PPP3R1: variants seen among roughly 807,000 people sequenced by gnomAD.
PPP3R1 encodes the protein calcineurin subunit B type 1.
PPP3R1 carries 5 observed loss-of-function variants against 22.6 expected under a neutral mutation model. The observed-to-expected ratio is 0.22, with a 90% CI of 0.12 to 0.46. The LOEUF (loss-of-function observed/expected upper bound fraction) is 0.46. Among genes scored for constraint, PPP3R1 ranks in the 20% least tolerant of loss-of-function variants. The pLI is 0.99. For synonymous variants in PPP3R1, 56 were observed against 65.2 expected (o/e 0.86, Z 0.68); for missense variants, 61 against 203.2 (o/e 0.30, Z 4.25).
chr2:68,232,141 A>ACACACACACACACC (rs1669920551), intron 1 of PPP3R1, among the ~76,000 whole-genome samples: 1 of 110,022 alleles, frequency 9.1e-6, no homozygotes, highest in Non-Finnish European at 1.9e-5. Flanking sequence ...ACACACACAT[A>ACACACACACACACC]TATATGTATA....
rs567775580 is a variant in PPP3R1 at position 68,230,170 on chromosome 2, T to G, written c.4-13039A>C. Among the ~76,000 whole-genome samples, 6 of 152,196 alleles carry G rather than the reference T, an allele frequency of 3.9e-5. No individual in the cohort carries two copies. In the South Asian group the frequency reaches 1.2e-3, roughly 32 times the overall value. Reference sequence around the variant, plus strand: ...ACCGTGCCCAGCTAATTTTTTGTATTTTTGGTTGAGACAGGTTTCACCATG... The same window carrying G: ...ACCGTGCCCAGCTAATTTTTTGTATGTTTGGTTGAGACAGGTTTCACCATG... On this transcript the variant is annotated intron_variant, in intron 1 of 5. Transcript: ENST00000234310.
chr2:68,183,633 C>A (rs1674468557), intron 5 of PPP3R1, among the ~76,000 whole-genome samples: 1 of 152,106 alleles, frequency 6.6e-6, no homozygotes, highest in African/African-American at 2.4e-5. Flanking sequence ...TATATATTAT[C>A]CAACTTTTGT....
At chr2:68,212,254 T>C (rs1669501444) in intron 2 of PPP3R1, among the ~76,000 whole-genome samples, 1 of 152,182 alleles carries the variant, frequency 6.6e-6, no homozygotes, top group Non-Finnish European at 1.5e-5. Context: ...CTAATTTTCA[T>C]ATTTTTGGTA....
At chr2:68,230,700 C>G (rs1669880279) in intron 1 of PPP3R1, among the ~76,000 whole-genome samples, 1 of 152,170 alleles carries the variant, frequency 6.6e-6, no homozygotes, top group Non-Finnish European at 1.5e-5. Context: ...TAGGGTAAGT[C>G]TGCTGGTGAC....
At position 68,252,436 on chromosome 2, in the gene PPP3R1, G is replaced by A; in HGVS notation, c.-309C>T. ...AGAAAGGAGGGGGAGAGGGGGCGAA[G>A]ACGGCCGGGAAACTCGGGGGCTGCA... On this transcript the variant is annotated 5_prime_UTR_variant, in exon 1 of 6. Transcript: ENST00000234310. 2 of 992,820 alleles carry A rather than the reference G, an allele frequency of 2.0e-6. No homozygotes were observed. The highest frequency in any genetic ancestry group is 2.4e-6 in the Non-Finnish European group (2 of 835,522). 61.5% of individuals were successfully genotyped at this position (992,820 alleles called of 1,614,324 possible).
chr2:68,247,752 T>C (rs956890179), intron 1 of PPP3R1, among the ~76,000 whole-genome samples: 1 of 152,208 alleles, frequency 6.6e-6, no homozygotes, highest in Non-Finnish European at 1.5e-5. Context: ...ATTCACCACC[T>C]CTTTTCTTCC....
At chr2:68,223,627 G>T (rs998763132) in intron 1 of PPP3R1, among the ~76,000 whole-genome samples, 2 of 151,942 alleles carry the variant, frequency 1.3e-5, no homozygotes, top group African/African-American at 4.8e-5. Flanking sequence ...CGCAATAAAA[G>T]CATCTGACAA....
rs981285600 is a variant in PPP3R1 at position 68,181,141 on chromosome 2, G to A, written c.466-131C>T. The A allele has an allele frequency of 1.7e-5, 14 of 837,872 alleles. No homozygotes were observed. In the East Asian group the frequency reaches 3.9e-4, roughly 23 times the overall value. The allele number at this position is 837,872 out of a possible 1,614,324, so 51.9% of individuals were successfully genotyped here. A position where few individuals can be genotyped will look rare whatever the true frequency, so the allele number is the denominator to read the frequency against. On this transcript the variant is annotated intron_variant, in intron 5 of 5. Transcript: ENST00000234310. ...GTGGTGGCTCACACCTGTAATCCCA[G>A]CACTTTGGAAGGCCAAGGCAGGTGG...
intron 2 of PPP3R1, among the ~76,000 whole-genome samples, chr2:68,201,135 TACATC>T (rs1674967490): frequency 6.6e-6 from 1 of 152,326 alleles, no homozygotes; most frequent in East Asian, 1.9e-4. Context: ...CCCATCCCAT[TACATC>T]ACATTTTCCA....
intron 2 of PPP3R1, among the ~76,000 whole-genome samples, chr2:68,203,639 A>G (rs1675034798): frequency 6.6e-6 from 1 of 152,168 alleles, no homozygotes; most frequent in African/African-American, 2.4e-5. Flanking sequence ...AGGAAATCAA[A>G]TTAACTACAG....
intron 1 of PPP3R1, among the ~76,000 whole-genome samples, chr2:68,226,026 C>T (rs969010031): frequency 6.6e-6 from 1 of 152,030 alleles, no homozygotes; most frequent in African/African-American, 2.4e-5. Flanking sequence ...ACTAATACAC[C>T]CAATAACATA....
At chr2:68,243,418 G>C (rs562041389) in intron 1 of PPP3R1, among the ~76,000 whole-genome samples, 4 of 152,248 alleles carry the variant, frequency 2.6e-5, no homozygotes, top group Admixed American at 2.6e-4. Context: ...GGGAAGAAAA[G>C]ATGAGGGCTA....
chr2:68,181,444 G>C (rs553850210), intron 5 of PPP3R1, among the ~76,000 whole-genome samples: 106 of 150,374 alleles, frequency 7.0e-4, no homozygotes, highest in African/African-American at 2.3e-3. Context: ...TGAATTTAAA[G>C]ACACACAAAA....
intron 1 of PPP3R1, among the ~76,000 whole-genome samples, chr2:68,235,715 T>C (rs914609204): frequency 6.6e-6 from 1 of 152,204 alleles, no homozygotes; most frequent in African/African-American, 2.4e-5. Context: ...TTTAGGTATA[T>C]ACCCAGGAAT....
intron 5 of PPP3R1, among the ~76,000 whole-genome samples, chr2:68,184,106 C>T (rs924159523): frequency 6.6e-6 from 1 of 152,194 alleles, no homozygotes; most frequent in Non-Finnish European, 1.5e-5. Flanking sequence ...TAGAGACTCT[C>T]CCCAATCTCT....
chr2:68,248,454 C>T (rs1302242345), intron 1 of PPP3R1, among the ~76,000 whole-genome samples: 3 of 152,200 alleles, frequency 2.0e-5, no homozygotes, highest in Non-Finnish European at 2.9e-5. Context: ...CATTAAGAGA[C>T]GCTTGACTCA....
chr2:68,221,034 CA>C (rs1669679076), intron 1 of PPP3R1, among the ~76,000 whole-genome samples: 1 of 150,320 alleles, frequency 6.7e-6, no homozygotes, highest in Non-Finnish European at 1.5e-5. Context: ...ACTGTCTCTA[CA>C]AAAAATACAA....
chr2:68,205,254 T>A (rs894370648), intron 2 of PPP3R1, among the ~76,000 whole-genome samples: 4 of 150,346 alleles, frequency 2.7e-5, no homozygotes, highest in Non-Finnish European at 5.9e-5. Context: ...TTTTTTTTTT[T>A]TTTTTTTGAA....
chr2:68,207,220 ATAAAAAAAAAAAAAAAGCATG>A (rs1292509482), intron 2 of PPP3R1, among the ~76,000 whole-genome samples: 2 of 82,962 alleles, frequency 2.4e-5, no homozygotes, highest in Admixed American at 1.2e-4. Context: ...GGAAAATATG[ATAAAAAAAAAAAAAAAGCATG>A]TAAGATTCTA....
Sources: gnomAD v4.1 joint callset for allele counts (sites outside exome capture counted in the v4.1 genomes callset) on GRCh38, gnomAD v4.1.1 for gene constraint, MANE v1.5 for transcripts, NCBI Gene and HGNC (gene_info 2026-07-23, HGNC 2026-07-21) for gene names.